TMC7: variants seen among roughly 807,000 people sequenced by gnomAD.
TMC7 encodes the protein transmembrane channel like 7.
In TMC7, 54 loss-of-function variants were observed where a neutral mutation model predicts 82.9. The observed-to-expected ratio is 0.65, with a 90% confidence interval of 0.52 to 0.82. The LOEUF is 0.82. Ranked by LOEUF, TMC7 falls within the 40% of genes least tolerant of loss-of-function variation. The pLI, the probability that TMC7 is intolerant of heterozygous loss-of-function variation, is 0.00. For synonymous variants in TMC7, 350 were observed against 337.9 expected (o/e 1.04, Z -0.39); for missense variants, 820 against 901.2 (o/e 0.91, Z 1.15).
rs187984174 is a variant in TMC7, at chr16:18,999,131, C to T, written c.68-10041C>T. Among the ~76,000 whole-genome samples, 1,494 of 152,270 alleles carry T rather than the reference C, an allele frequency of 9.8e-3. 34 individuals are homozygous for T. Among genetic ancestry groups the T allele is most frequent in the African/African-American group, 0.034 (1,409 of 41,556 alleles). ...ACAGCTCACTGCAGCCTCAACCTTCCAGGCTCGAGCGATCCTCCCACCTCA... is the reference window on the plus strand; with the variant it reads ...ACAGCTCACTGCAGCCTCAACCTTCTAGGCTCGAGCGATCCTCCCACCTCA... On this transcript the variant is annotated intron_variant, in intron 1 of 15. Coordinates refer to ENST00000304381, the MANE Select transcript of TMC7 (RefSeq NM_024847.4).
intron 2 of TMC7, among the ~76,000 whole-genome samples, chr16:19,011,351 C>G (rs1959327972): frequency 6.6e-6 from 1 of 151,854 alleles, no homozygotes; most frequent in Admixed American, 6.6e-5. Flanking sequence ...CGAATTACTG[C>G]CCCCCACAGG....
intron 15 of TMC7, among the ~76,000 whole-genome samples, chr16:19,060,327 C>T (rs1174439851): frequency 6.6e-6 from 1 of 152,082 alleles, no homozygotes; most frequent in Non-Finnish European, 1.5e-5. Context: ...ACCTTAGCCT[C>T]CCAAGTAGCT....
In TMC7 at chr16:18,990,720, C is replaced by T. The variant is rs139717057; in HGVS notation, c.67+6590C>T. ...TTTTCGGGGCAGGAGGTGGATCTCA[C>T]AAAGTACATTCTTAAGGGTGAGGAG... is the stretch of plus-strand genomic sequence containing the variant. On this transcript the variant is annotated intron_variant, in intron 1 of 15. Coordinates refer to ENST00000304381, the MANE Select transcript of TMC7 (RefSeq NM_024847.4). 6.3e-3 allele frequency among the ~76,000 whole-genome samples: 955 copies of T among 152,256 alleles called. 6 individuals carry two copies. Among genetic ancestry groups the T allele is most frequent in the Middle Eastern group, 0.02 (6 of 294 alleles).
At chr16:19,036,175 A>G (rs896664726) in intron 7 of TMC7, among the ~76,000 whole-genome samples, 1 of 152,158 alleles carries the variant, frequency 6.6e-6, no homozygotes, top group Non-Finnish European at 1.5e-5. Flanking sequence ...AATGGGAGTG[A>G]GGAGGGAATG....
chr16:18,999,321 T>G (rs373501645), intron 1 of TMC7, among the ~76,000 whole-genome samples: 3 of 152,344 alleles, frequency 2.0e-5, no homozygotes, highest in African/African-American at 7.2e-5. Context: ...AATTGCTTAA[T>G]AGTCCCATGT....
intron 1 of TMC7, among the ~76,000 whole-genome samples, chr16:19,003,669 T>A (rs943251841): frequency 7.9e-6 from 1 of 126,402 alleles, no homozygotes; most frequent in Admixed American, 8.4e-5. Context: ...GGGAGACTTT[T>A]CATTTTGTTC....
chr16:19,053,542 T>C (rs978538119), intron 13 of TMC7, among the ~76,000 whole-genome samples: 1 of 152,070 alleles, frequency 6.6e-6, no homozygotes, highest in African/African-American at 2.4e-5. Context: ...TAGCTGGGAT[T>C]ACAGGCATGT....
intron 1 of TMC7, among the ~76,000 whole-genome samples, chr16:19,005,265 A>G (rs1024012309): frequency 4.0e-5 from 6 of 151,492 alleles, no homozygotes; most frequent in Non-Finnish European, 7.4e-5. Context: ...ATTTTTTTGT[A>G]TTTTTAGTAG....
At chr16:18,984,376 A>C in intron 1 of TMC7, 1 of 1,275,392 alleles carries the variant, frequency 7.8e-7, no homozygotes, top group Middle Eastern at 3.0e-4. Context: ...TGCAGTCTGG[A>C]CCGTGGTGGG....
rs1409579188 is a variant in TMC7 at position 18,999,341 on chromosome 16, C to CAGATATATTG, written c.68-9831_68-9830insAGATATATTG. 5.9e-5 allele frequency among the ~76,000 whole-genome samples: 9 copies of CAGATATATTG among 152,288 alleles called. No individual in the cohort carries two copies. The East Asian group carries it at 9.7e-4, about 16-fold the overall frequency. ...CTTAATAGTCCCATGTGGCCAGTGG[C>CAGATATATTG]CACTGTATTGGACAGTGCAGATATA... is the stretch of plus-strand genomic sequence containing the variant. On this transcript the variant is annotated intron_variant, in intron 1 of 15. Coordinates refer to ENST00000304381, the MANE Select transcript of TMC7 (RefSeq NM_024847.4).
At position 19,025,253 on chromosome 16, in the gene TMC7, C is replaced by T. The variant is rs567269149; in HGVS notation, c.711+2058C>T. On this transcript the variant is annotated intron_variant, in intron 5 of 15. Transcript: ENST00000304381. ...TTACCCCCAGATGAGAACCACTGCT[C>T]TAGGTGTTTAAGAAATACAAATAAG... Among the ~76,000 whole-genome samples the T allele has an allele frequency of 7.2e-5, 11 of 152,216 alleles. No individual in the cohort carries two copies. In the South Asian group the frequency reaches 2.3e-3, roughly 32 times the overall value.
chr16:19,016,584 TC>T lies in TMC7; in HGVS notation c.448del (p.Arg150AlafsTer3). The T allele has an allele frequency of 6.2e-7, 1 of 1,613,566 alleles. No homozygotes were observed. Among genetic ancestry groups the T allele is most frequent in the Non-Finnish European group, 8.5e-7 (1 of 1,179,974 alleles). ...CACCTGGAGCTGTGGCGGGAGGACA[TC>T]CGCAGCATAGAAGGTATGCTGTCCT... ...TTHLELWRED[I>X]RSIEGKFGTG... On this transcript the variant is annotated frameshift_variant, in exon 3 of 16. Coordinates refer to ENST00000304381, the MANE Select transcript of TMC7 (RefSeq NM_024847.4). LOFTEE classifies it high-confidence loss of function.
In TMC7 at chr16:18,984,960, T is replaced by A. The variant is rs961364104; in HGVS notation, c.67+830T>A. 3.3e-5 allele frequency among the ~76,000 whole-genome samples: 5 copies of A among 152,204 alleles called. No individual in the cohort carries two copies. In the South Asian group the frequency reaches 1.0e-3, roughly 32 times the overall value. On this transcript the variant is annotated intron_variant, in intron 1 of 15. Coordinates refer to ENST00000304381, the MANE Select transcript of TMC7 (RefSeq NM_024847.4). ...CTTTTTCAGTTTTAGAATAGAGATT[T>A]ACTGAAACCAAGGATGTAGGGCCGG...
At chr16:19,004,668 A>G (rs1414468883) in intron 1 of TMC7, among the ~76,000 whole-genome samples, 1 of 152,026 alleles carries the variant, frequency 6.6e-6, no homozygotes, top group Admixed American at 6.6e-5. Flanking sequence ...CCCAGCTTAT[A>G]CGGTATTTTA....
At chr16:18,992,306 G>A (rs1313810236) in intron 1 of TMC7, among the ~76,000 whole-genome samples, 1 of 152,142 alleles carries the variant, frequency 6.6e-6, no homozygotes, top group Non-Finnish European at 1.5e-5. Flanking sequence ...GTGTGAGATG[G>A]TATCTTATTG....
At chr16:18,998,497 G>A (rs2039084853) in intron 1 of TMC7, among the ~76,000 whole-genome samples, 1 of 151,886 alleles carries the variant, frequency 6.6e-6, no homozygotes, top group African/African-American at 2.4e-5. Flanking sequence ...GCTCACGCCT[G>A]TAATCCCAGC....
intron 5 of TMC7, among the ~76,000 whole-genome samples, chr16:19,029,336 C>A (rs112022868): frequency 6.6e-6 from 1 of 151,942 alleles, no homozygotes; most frequent in Non-Finnish European, 1.5e-5. Context: ...TAAATTTAGT[C>A]CTAATGTTTT....
At position 18,984,863 on chromosome 16, in the gene TMC7, T is replaced by G. The variant is rs114296083; in HGVS notation, c.67+733T>G. ...CACTCAGGCAGGGTTCCTTGTAGCA[T>G]TTGGAGCTTACGAATCTTGTCCTGA... On this transcript the variant is annotated intron_variant, in intron 1 of 15. Coordinates refer to ENST00000304381, the MANE Select transcript of TMC7 (RefSeq NM_024847.4). Among the ~76,000 whole-genome samples, 7 of 152,182 alleles carry G rather than the reference T, an allele frequency of 4.6e-5. No homozygotes were observed. In the South Asian group the frequency reaches 1.5e-3, roughly 32 times the overall value.
intron 15 of TMC7, among the ~76,000 whole-genome samples, chr16:19,061,170 AT>A (rs1393667753): frequency 6.6e-6 from 1 of 151,950 alleles, no homozygotes; most frequent in African/African-American, 2.4e-5. Context: ...CGCCCGGCTA[AT>A]TTTTTGTATT....
Sources: allele counts gnomAD v4.1 joint callset (sites outside exome capture counted in the v4.1 genomes callset), GRCh38; gene constraint gnomAD v4.1.1; transcripts MANE v1.5; gene names NCBI Gene and HGNC (gene_info 2026-07-23, HGNC 2026-07-21).